The following AIFM1 variants were observed in gnomAD, a reference collection of about 807,000 sequenced individuals.
AIFM1 encodes apoptosis-inducing factor 1, mitochondrial.
A neutral mutation model predicts 51.7 loss-of-function variants in AIFM1; 3 were observed. The observed-to-expected ratio is 0.06, with a 90% CI of 0.03 to 0.15. AIFM1 has a LOEUF of 0.15. Among genes scored for constraint, AIFM1 ranks in the 10% least tolerant of loss-of-function variants. The pLI is 1.00. For missense variants in AIFM1, 330 were observed against 476.8 expected (o/e 0.69, Z 2.87); for synonymous variants, 178 against 179.4 (o/e 0.99, Z 0.06).
chrX:130,160,401 C>T (rs772537417), intron 1 of AIFM1, among the ~76,000 whole-genome samples: 3 of 111,976 alleles, frequency 2.7e-5, no homozygotes, highest in East Asian at 5.6e-4. Context: ...TGCAGTCAGA[C>T]CACACATACA....
intron 12 of AIFM1, among the ~76,000 whole-genome samples, chrX:130,135,374 A>T (rs2030283853): frequency 9.6e-6 from 1 of 104,632 alleles, no homozygotes; most frequent in Non-Finnish European, 1.9e-5. Context: ...GGTGTAAGCC[A>T]CTTCTCCTGG....
At chrX:130,158,157 G>A (rs762406424) in intron 1 of AIFM1, among the ~76,000 whole-genome samples, 7 of 109,917 alleles carry the variant, frequency 6.4e-5, no homozygotes, top group African/African-American at 1.7e-4. Context: ...CCAGCTACTC[G>A]GGAGGCTGAG....
At chrX:130,129,932 C>T (rs1465538872) in intron 15 of AIFM1, 38 bp downstream of exon 15, 1 of 1,197,477 alleles carries the variant, frequency 8.4e-7, no homozygotes, top group Admixed American at 2.2e-5. Context: ...CTAAGCCGTA[C>T]TTCCCATCTT....
Position 130,129,626 on chromosome X carries a change from G to T in AIFM1, c.1773C>A (p.Ile591=). ...CTTCATGCTGCTCACCGTCCTTAAT[G>T]ATCTGAGGGAGAGAGAGTAACAATA... ...IFNRMPIARK[I]IKDGEQHEDL... Residue 591 remains isoleucine (I), a splice_region_variant and synonymous_variant, in exon 16 of 16, where the codon ATC becomes ATA. Transcript: ENST00000287295. 2.5e-6 allele frequency: 3 copies of T among 1,207,034 alleles called. No homozygotes were observed. The highest frequency in any genetic ancestry group is 3.4e-6 in the Non-Finnish European group (3 of 891,353).
Position 130,130,033 on chromosome X carries a change from C to T in AIFM1, c.1707G>A (p.Arg569=), listed in dbSNP as rs2239772. ...GCACAATCCCCACGACCACTTTGTCCCTGAGGTAGAAGATGACACCTTTGC... is the reference window on the plus strand; with the variant it reads ...GCACAATCCCCACGACCACTTTGTCTCTGAGGTAGAAGATGACACCTTTGC... ...DYGKGVIFYL[R]DKVVVGIVLW... The change falls in exon 15 of 16, where the codon AGG becomes AGA. Residue 569 remains arginine, a synonymous_variant. Transcript: ENST00000287295. 75 of 1,209,701 alleles carry T rather than the reference C, an allele frequency of 6.2e-5. No homozygotes were observed. The East Asian group carries it at 2.1e-3, about 34-fold the overall frequency.
At chrX:130,150,977 C>CAATAAAAAAAA (rs2030949088) in intron 2 of AIFM1, among the ~76,000 whole-genome samples, 1 of 27,811 alleles carries the variant, frequency 3.6e-5, no homozygotes. Flanking sequence ...GACTCTGTCT[C>CAATAAAAAAAA]AAAAAAAAAA....
chrX:130,135,901 C>A, intron 12 of AIFM1, 144 bp downstream of exon 12: 1 of 809,403 alleles, frequency 1.2e-6, no homozygotes, highest in Non-Finnish European at 1.8e-6. Context: ...AAGCAGTTCA[C>A]ACATTTCTAT....
chrX:130,129,966 C>T lies in AIFM1; in HGVS notation c.1770+4G>A. ...TTCCTCTAAGAGTTATGACAGGCACCTACCTTCCTTGCTATTGGCATTCGG... is the reference window on the plus strand; with the variant it reads ...TTCCTCTAAGAGTTATGACAGGCACTTACCTTCCTTGCTATTGGCATTCGG... On this transcript the variant is annotated splice_donor_region_variant and intron_variant, in intron 15 of 15. Coordinates refer to ENST00000287295, the MANE Select transcript of AIFM1 (RefSeq NM_004208.4). The T allele has an allele frequency of 8.3e-7, 1 of 1,211,494 alleles. No homozygotes were observed. Among genetic ancestry groups the T allele is most frequent in the Non-Finnish European group, 1.1e-6 (1 of 895,085 alleles).
At chrX:130,147,342 T>C (rs934459129) in intron 5 of AIFM1, 151 bp downstream of exon 5, 24 of 681,443 alleles carry the variant, frequency 3.5e-5, no homozygotes, top group Non-Finnish European at 5.3e-5. Flanking sequence ...TAGACTGTTA[T>C]CTCTAAGCTG....
At chrX:130,137,531 A>C (rs1216581216) in intron 9 of AIFM1, 1 of 1,164,700 alleles carries the variant, frequency 8.6e-7, no homozygotes, top group African/African-American at 1.8e-5. Flanking sequence ...TATATCTGAA[A>C]AAGAACATTA....
intron 9 of AIFM1, 83 bp downstream of exon 9, chrX:130,138,510 T>C (rs2030459318): frequency 1.4e-6 from 1 of 693,793 alleles, no homozygotes; most frequent in African/African-American, 2.1e-5. Flanking sequence ...TTCCTACTGA[T>C]CCTGCCAAAC....
At chrX:130,156,798 GTT>G (rs2031178784) in intron 1 of AIFM1, among the ~76,000 whole-genome samples, 195 bp from the exon 2 acceptor site, 2 of 112,125 alleles carry the variant, frequency 1.8e-5, no homozygotes, top group South Asian at 7.4e-4. Context: ...AGTTGCTGAA[GTT>G]TTTAAGAGTA....
In AIFM1 at chrX:130,130,118, A is replaced by G. The variant is rs1205747701; in HGVS notation, c.1622T>C (p.Ile541Thr). 1 of 1,209,825 alleles carries G rather than the reference A, an allele frequency of 8.3e-7. No homozygotes were observed. The highest frequency in any genetic ancestry group is 1.1e-6 in the Non-Finnish European group (1 of 895,206). The change falls in exon 15 of 16, where the codon ATT (isoleucine) becomes ACT (threonine). Residue 541 changes from isoleucine to threonine, a missense_variant. Around this residue, in one of 4 missense-constraint regions of AIFM1, gnomAD observed 56 missense variants for 48.8 expected, o/e 1.15. Coordinates refer to ENST00000287295, the MANE Select transcript of AIFM1 (RefSeq NM_004208.4). ...TGCCGGGGTGCTGGGAGGAATAGTA[A>G]TTTCTGAGGCCTCGGACTCTGTCTC... ...ESETESEASE[I>T]TIPPSTPAVP...
At position 130,165,757 on chromosome X, in the gene AIFM1, C is replaced by G. The variant is rs2031513000; in HGVS notation, c.-101G>C. 1 of 691,499 alleles carries G rather than the reference C, an allele frequency of 1.4e-6. No homozygotes were observed. The highest frequency in any genetic ancestry group is 2.6e-5 in the Admixed American group (1 of 38,208). 57.0% of individuals were successfully genotyped at this position (691,499 alleles called of 1,213,427 possible). A position where few individuals can be genotyped will look rare whatever the true frequency, so the allele number is the denominator to read the frequency against. The stretch of plus-strand genomic sequence containing the variant: ...CCGGCCAGCTCCCCCAGTCTCTTCA[C>G]ACGCACATTACGCAGACTCCTCCTC... On this transcript the variant is annotated 5_prime_UTR_variant, in exon 1 of 16. Coordinates refer to ENST00000287295, the MANE Select transcript of AIFM1 (RefSeq NM_004208.4).
At chrX:130,151,618 G>A (rs988160710) in intron 2 of AIFM1, among the ~76,000 whole-genome samples, 3 of 112,096 alleles carry the variant, frequency 2.7e-5, no homozygotes, top group African/African-American at 9.7e-5. Context: ...GTTACTCCTT[G>A]AATTTACTAC....
At chrX:130,147,970 T>G in intron 3 of AIFM1, 94 bp from the exon 4 acceptor site, 1 of 1,089,320 alleles carries the variant, frequency 9.2e-7, no homozygotes, top group Non-Finnish European at 1.3e-6. Context: ...CTTGTCTCAA[T>G]CCTCCACATA....
intron 9 of AIFM1, among the ~76,000 whole-genome samples, chrX:130,138,322 A>G (rs1012453487): frequency 1.7e-4 from 19 of 110,618 alleles, no homozygotes; most frequent in African/African-American, 4.6e-4. Flanking sequence ...AAAATTAGCC[A>G]GGCGTGGTTA....
chrX:130,131,867 A>C, intron 13 of AIFM1, 68 bp from the exon 14 acceptor site: 3 of 1,156,038 alleles, frequency 2.6e-6, no homozygotes, highest in Non-Finnish European at 3.5e-6. Flanking sequence ...CATATTCTCC[A>C]TGACACTGCA....
intron 2 of AIFM1, chrX:130,155,084 G>A: frequency 2.7e-6 from 3 of 1,129,407 alleles, no homozygotes; most frequent in Non-Finnish European, 3.6e-6. Context: ...ATATTCTAAT[G>A]TATCAAGTTT....
Sources: gnomAD v4.1 joint callset for allele counts (sites outside exome capture counted in the v4.1 genomes callset) on GRCh38, gnomAD v4.1.1 for gene constraint, gnomAD v4.1.1 regional missense constraint, MANE v1.5 for transcripts, NCBI Gene and HGNC (gene_info 2026-07-23, HGNC 2026-07-21) for gene names.